The following CHD7 variants were observed in gnomAD, a reference collection of about 807,000 sequenced individuals.
CHD7 encodes the protein ATP-dependent chromatin remodeler CHD7.
CHD7 carries 24 observed loss-of-function variants against 307.3 expected under a neutral mutation model. That is an observed-to-expected ratio of 0.08 (90% confidence interval 0.06 to 0.11). CHD7 has a LOEUF of 0.11. CHD7 is among the 10% of genes least tolerant of loss of function. The probability of loss-of-function intolerance (pLI) is 1.00; values close to 1 mark genes in which losing one functional copy is unlikely to be tolerated. For missense variants in CHD7, 3,106 were observed against 3,727.1 expected, an observed-to-expected ratio of 0.83 and a Z score of 4.34; for synonymous variants, 1,363 against 1,349.9, an observed-to-expected ratio of 1.01 and a Z score of -0.21.
Position 60,852,637 on chromosome 8 carries a change from G to A in CHD7, c.6034G>A (p.Glu2012Lys), listed in dbSNP as rs904822604. The part of the protein sequence containing the change: ...RLDKKSDESL[E>K]KYFSCFVAMC... ...TGACAAAAAATCTGATGAGAGTTTGGAGAAATACTTCAGTTGTTTTGTGGC... is the reference window on the plus strand; with the variant it reads ...TGACAAAAAATCTGATGAGAGTTTGAAGAAATACTTCAGTTGTTTTGTGGC... The change falls in exon 30 of 38, where the codon GAG becomes AAG. Residue 2012 changes from glutamate (E) to lysine (K), a missense_variant. Physicochemically the swap from Glu to Lys is moderately conservative, Grantham distance 56 (BLOSUM62 1). This residue lies in a region of CHD7 where 1,030 missense variants were observed against 1,165.4 expected (regional missense o/e 0.88). Transcript: ENST00000423902. The A allele has an allele frequency of 2.6e-5, 42 of 1,613,840 alleles. No individual in the cohort carries two copies. Among genetic ancestry groups the A allele is most frequent in the African/African-American group, 4.0e-5 (3 of 74,914 alleles).
Position 60,794,675 on chromosome 8 carries a change from G to A in CHD7, c.2097-311G>A, listed in dbSNP as rs140049261. Among the ~76,000 whole-genome samples the A allele has an allele frequency of 8.1e-3, 1,236 of 152,212 alleles. 10 individuals are homozygous for A. The highest frequency in any genetic ancestry group is 0.012 in the Non-Finnish European group (835 of 68,016). ...TGTTCTGTACCTTAAAAATTCGATA[G>A]CAAAACTACTTCTTAATCTGATTTT... is the stretch of plus-strand genomic sequence containing the variant. On this transcript the variant is annotated intron_variant, in intron 3 of 37. Transcript: ENST00000423902.
At chr8:60,750,518 AT>A (rs554237526) in intron 2 of CHD7, among the ~76,000 whole-genome samples, 1 of 152,250 alleles carries the variant, frequency 6.6e-6, no homozygotes, top group Non-Finnish European at 1.5e-5. Context: ...AATACAACGC[AT>A]TTATGTTGAT....
At chr8:60,759,831 TGA>T (rs1479455045) in intron 2 of CHD7, among the ~76,000 whole-genome samples, 2 of 152,136 alleles carry the variant, frequency 1.3e-5, no homozygotes, top group Non-Finnish European at 2.9e-5. Flanking sequence ...CTATGTAGGG[TGA>T]GTCTTGGAGG....
At chr8:60,841,117 A>G (rs1804951558) in intron 19 of CHD7, among the ~76,000 whole-genome samples, 1 of 152,216 alleles carries the variant, frequency 6.6e-6, no homozygotes, top group African/African-American at 2.4e-5. Flanking sequence ...CCTTCGGGAT[A>G]GAGTTCAAAC....
In CHD7 at chr8:60,781,361, T is replaced by TTGA; in HGVS notation, c.2028_2029insGAT (p.Ile676_Pro677insAsp). 1 of 1,553,996 alleles carries TTGA rather than the reference T, an allele frequency of 6.4e-7. No homozygotes were observed. The highest frequency in any genetic ancestry group is 1.3e-5 in the South Asian group (1 of 79,436). Reference sequence around the variant, plus strand: ...CCCAAGACCCCGAAAGCCCCTAAGATTCCCAAAGAGCCAAAGGAAAAGAAA... The same window carrying TTGA: ...CCCAAGACCCCGAAAGCCCCTAAGATTGATCCCAAAGAGCCAAAGGAAAAGAAA... On this transcript the variant is annotated inframe_insertion, in exon 3 of 38. Transcript: ENST00000423902.
intron 14 of CHD7, among the ~76,000 whole-genome samples, chr8:60,829,316 T>C (rs7016832): frequency 0.73 from 110,373 of 152,182 alleles, 40,956 homozygotes; most frequent in East Asian, 0.93. Flanking sequence ...AAAAAGTGCT[T>C]GGGCCAGGCG....
chr8:60,749,016 T>C (rs1225101630), intron 2 of CHD7, among the ~76,000 whole-genome samples: 1 of 151,862 alleles, frequency 6.6e-6, no homozygotes, highest in Non-Finnish European at 1.5e-5. Flanking sequence ...GGAAAACCTT[T>C]TATTGGTAAA....
chr8:60,764,305 C>T (rs1384074535), intron 2 of CHD7, among the ~76,000 whole-genome samples: 3 of 152,128 alleles, frequency 2.0e-5, no homozygotes, highest in African/African-American at 4.8e-5. Flanking sequence ...AAATATTTCA[C>T]AGTTCATGAG....
chr8:60,834,280 A>G (rs1364369337), intron 15 of CHD7, among the ~76,000 whole-genome samples: 3 of 152,228 alleles, frequency 2.0e-5, no homozygotes, highest in African/African-American at 7.2e-5. Flanking sequence ...TTAAATGGCT[A>G]AAATACTATA....
intron 23 of CHD7, 45 bp downstream of exon 23, chr8:60,845,454 A>C (rs2150794427): frequency 6.3e-7 from 1 of 1,582,116 alleles, no homozygotes; most frequent in South Asian, 1.1e-5. Flanking sequence ...TTCCCTTTTT[A>C]TTCTTTAAAA....
Position 60,865,501 on chromosome 8 carries a change from C to G in CHD7, c.8562C>G (p.Asn2854Lys), listed in dbSNP as rs1222693383. The G allele has an allele frequency of 1.9e-6, 3 of 1,613,928 alleles. No individual in the cohort carries two copies. The highest frequency in any genetic ancestry group is 2.7e-5 in the African/African-American group (2 of 74,946). The change falls in exon 38 of 38, where the codon AAC becomes AAG. Residue 2854 changes from asparagine to lysine, a missense_variant. Physicochemically the swap from Asn to Lys is moderately conservative, Grantham distance 94. Transcript: ENST00000423902. The surrounding 1 kb of genome is among the most constrained non-coding windows in gnomAD (Gnocchi z 4.3). ...AAGGAAATGAGAATGAAGACGAGAA[C>G]AAAGACTCTGAGAAAAGCACAGATG... Reference protein sequence around the residue: ...EEKGNENEDENKDSEKSTDAV... With the variant: ...EEKGNENEDEKKDSEKSTDAV...
At chr8:60,744,591 G>T (rs1220422200) in intron 2 of CHD7, among the ~76,000 whole-genome samples, 21 of 147,508 alleles carry the variant, frequency 1.4e-4, no homozygotes, top group Non-Finnish European at 3.1e-4. Flanking sequence ...AATGGCTCAT[G>T]CCTGCAATCC....
intron 1 of CHD7, among the ~76,000 whole-genome samples, chr8:60,717,080 C>A (rs1807647312): frequency 7.5e-6 from 1 of 133,324 alleles, no homozygotes; most frequent in Non-Finnish European, 1.6e-5. Context: ...GGTGGTATGT[C>A]TTCCCTCAGG....
At chr8:60,714,454 C>T (rs1461171964) in intron 1 of CHD7, among the ~76,000 whole-genome samples, 1 of 139,394 alleles carries the variant, frequency 7.2e-6, no homozygotes, top group South Asian at 2.5e-4. Context: ...GGCCTCTGGA[C>T]GCTGAGACTG....
In CHD7 at chr8:60,791,493, C is replaced by A. The variant is rs192120966; in HGVS notation, c.2097-3493C>A. ...TTACTTCTTAAAGACATTCTCATCC[C>A]CCCGACCTAGAACAGTGGCCCTTTT... On this transcript the variant is annotated intron_variant, in intron 3 of 37. Coordinates refer to ENST00000423902, the MANE Select transcript of CHD7 (RefSeq NM_017780.4). 9.5e-4 allele frequency among the ~76,000 whole-genome samples: 144 copies of A among 152,294 alleles called. 1 individual carries two copies. Among genetic ancestry groups the A allele is most frequent in the Non-Finnish European group, 1.8e-3 (124 of 68,016 alleles).
intron 1 of CHD7, among the ~76,000 whole-genome samples, chr8:60,695,924 G>A (rs1224918852): frequency 1.4e-5 from 2 of 145,760 alleles, no homozygotes; most frequent in East Asian, 2.0e-4. Context: ...TAGAGACTGT[G>A]TGTATAAAGA....
At chr8:60,794,309 A>C (rs1811914455) in intron 3 of CHD7, among the ~76,000 whole-genome samples, 1 of 152,184 alleles carries the variant, frequency 6.6e-6, no homozygotes, top group Non-Finnish European at 1.5e-5. Flanking sequence ...ATACTATGAA[A>C]CATGCACTTT....
intron 37 of CHD7, 32 bp downstream of exon 37, chr8:60,862,684 G>A (rs773667690): frequency 1.4e-6 from 2 of 1,420,376 alleles, no homozygotes; most frequent in Non-Finnish European, 1.9e-6. Flanking sequence ...ATCAAGAAAG[G>A]TAGCTATACA....
chr8:60,810,525 C>G (rs917791389), intron 7 of CHD7, among the ~76,000 whole-genome samples: 11 of 152,132 alleles, frequency 7.2e-5, no homozygotes, highest in African/African-American at 2.7e-4. Flanking sequence ...ATTATTCCAG[C>G]AGCCCAGGGT....
Sources: allele counts gnomAD v4.1 joint callset (sites outside exome capture counted in the v4.1 genomes callset), GRCh38; gene constraint gnomAD v4.1.1; regional missense constraint gnomAD v4.1.1; non-coding constraint Gnocchi (gnomAD v3.1); transcripts MANE v1.5; gene names NCBI Gene and HGNC (gene_info 2026-07-23, HGNC 2026-07-21).